Variants in HINFP observed in about 807,000 individuals in gnomAD.
The protein encoded by HINFP is histone H4 transcription factor, also known as MBD2 (methyl-CpG-binding protein)-interacting zinc finger protein.
A neutral mutation model predicts 50.1 loss-of-function variants in HINFP; 20 were observed. The ratio of observed to expected loss-of-function variants is 0.40; its 90% CI spans 0.28 to 0.58. HINFP has a LOEUF of 0.58. HINFP is among the 20% of genes least tolerant of loss of function. HINFP has a pLI of 0.45. For missense variants in HINFP, 505 were observed against 664.1 expected (o/e 0.76, Z 2.63); for synonymous variants, 247 against 243.7 (o/e 1.01, Z -0.13).
rs758433262 is a variant in HINFP, at chr11:119,134,240, G to T, written c.1296G>T (p.Val432=). 2 of 1,614,090 alleles carry T rather than the reference G, an allele frequency of 1.2e-6. No homozygotes were observed. The highest frequency in any genetic ancestry group is 1.7e-6 in the Non-Finnish European group (2 of 1,180,010). The change falls in exon 10 of 10, where the codon GTG becomes GTT. Residue 432 remains valine, a synonymous_variant. Transcript: ENST00000350777. The surrounding 1 kb of genome is among the most constrained non-coding windows in gnomAD (Gnocchi z 4.3). The part of the protein sequence containing the change: ...SSLQGIILET[V]PGEPGRKEEE... ...TGCAGGGCATTATTCTAGAAACAGT[G>T]CCAGGGGAGCCAGGACGTAAGGAAG...
At chr11:119,133,786 A>T (rs1455295057) in intron 9 of HINFP, 20 of 518,750 alleles carry the variant, frequency 3.9e-5, no homozygotes, top group Non-Finnish European at 5.8e-5. Flanking sequence ...AAGGGTTCTG[A>T]TCCTTAGCTC....
intron 5 of HINFP, 173 bp downstream of exon 5, chr11:119,132,155 A>T (rs1947797767): frequency 1.4e-6 from 1 of 692,852 alleles, no homozygotes; most frequent in East Asian, 2.6e-5. Flanking sequence ...AGGCATTGTT[A>T]TTCAGTACTT....
intron 1 of HINFP, chr11:119,125,061 C>T (rs1947317436): frequency 9.7e-6 from 1 of 102,800 alleles, no homozygotes. Flanking sequence ...TTTTTTGAGA[C>T]AGAGTCTTAC....
chr11:119,124,312 T>C (rs563222835), intron 1 of HINFP: 1 of 152,012 alleles, frequency 6.6e-6, no homozygotes, highest in South Asian at 2.1e-4. Context: ...GTATTTTCTG[T>C]TTTTTTTCCT....
At chr11:119,127,732 G>A (rs1049610289) in intron 2 of HINFP, among the ~76,000 whole-genome samples, 2 of 151,828 alleles carry the variant, frequency 1.3e-5, no homozygotes, top group African/African-American at 4.8e-5. Context: ...TTTAGAGACA[G>A]GATCTTGCTT....
intron 9 of HINFP, chr11:119,133,801 G>A (rs1481094275): frequency 3.7e-6 from 2 of 545,868 alleles, no homozygotes; most frequent in South Asian, 2.3e-5. Flanking sequence ...TAGCTCCAAG[G>A]CCTTCTCATA....
At chr11:119,122,946 G>T (rs1186405410) in intron 1 of HINFP, among the ~76,000 whole-genome samples, 1 of 151,910 alleles carries the variant, frequency 6.6e-6, no homozygotes, top group Non-Finnish European at 1.5e-5. Flanking sequence ...AACATGGCAA[G>T]ACCTCGTCTC....
rs1317269080 is a variant in HINFP at position 119,134,856 on chromosome 11, G to A, written c.*358G>A. 1.1e-5 allele frequency: 2 copies of A among 186,580 alleles called. No homozygotes were observed. The highest frequency in any genetic ancestry group is 2.3e-5 in the Non-Finnish European group (2 of 88,254). 11.6% of individuals were successfully genotyped at this position (186,580 alleles called of 1,614,324 possible). A position where few individuals can be genotyped will look rare whatever the true frequency, so the allele number is the denominator to read the frequency against. On this transcript the variant is annotated 3_prime_UTR_variant, in exon 10 of 10. Transcript: ENST00000350777. The surrounding 1 kb of genome is among the most constrained non-coding windows in gnomAD (Gnocchi z 4.3). ...ATCTTTCGGGCTCCTTAGGCCCAAG[G>A]ATGGCATGTGACTGGTCCCTGCAAG... is the stretch of plus-strand genomic sequence containing the variant.
chr11:119,126,884 C>G (rs1443571962), intron 1 of HINFP, 51 bp from the exon 2 acceptor site: 1 of 1,530,234 alleles, frequency 6.5e-7, no homozygotes, highest in Non-Finnish European at 8.8e-7. Context: ...TTGCCCTCAG[C>G]AGCACCTGGG....
rs1213327542 is a variant in HINFP at position 119,135,694 on chromosome 11, A to G, written c.*1196A>G. The G allele has an allele frequency of 6.6e-6, 1 of 152,206 alleles. No homozygotes were observed. The highest frequency in any genetic ancestry group is 2.4e-5 in the African/African-American group (1 of 41,452). 9.4% of individuals were successfully genotyped at this position (152,206 alleles called of 1,614,324 possible). The stretch of plus-strand genomic sequence containing the variant: ...CTTGGGGACAGGAAGCTGCCCAAAA[A>G]GGATCTCTGGGCCTTTTTTTGTAAG... On this transcript the variant is annotated 3_prime_UTR_variant, in exon 10 of 10. Coordinates refer to ENST00000350777, the MANE Select transcript of HINFP (RefSeq NM_198971.3).
chr11:119,126,482 A>G (rs1291505263), intron 1 of HINFP: 1 of 153,096 alleles, frequency 6.5e-6, no homozygotes, highest in Non-Finnish European at 1.5e-5. Flanking sequence ...AAAAAGATTT[A>G]TTATCTTCAT....
Position 119,130,969 on chromosome 11 carries a change from C to T in HINFP, c.411+15C>T. On this transcript the variant is annotated intron_variant, in intron 3 of 9. Coordinates refer to ENST00000350777, the MANE Select transcript of HINFP (RefSeq NM_198971.3). ...AGCACTGTGAGGTCAGCAGGCAGTG[C>T]CAGTAATTGGGGTGGAAGGAAGCTG... 1.2e-6 allele frequency: 2 copies of T among 1,605,356 alleles called. No homozygotes were observed. Among genetic ancestry groups the T allele is most frequent in the South Asian group, 2.2e-5 (2 of 90,882 alleles).
intron 2 of HINFP, among the ~76,000 whole-genome samples, chr11:119,128,728 C>T (rs1004099960): frequency 5.1e-4 from 77 of 151,930 alleles, no homozygotes; most frequent in African/African-American, 1.7e-3. Flanking sequence ...TAGATGGAGT[C>T]TTGCTCTGTC....
At position 119,134,681 on chromosome 11, in the gene HINFP, G is replaced by T. The variant is rs777517785; in HGVS notation, c.*183G>T. ...CTCTAAAGACTTCCCTTTTCTGCCA[G>T]ACTACATTTTGTGGGGAGCCTGAGG... On this transcript the variant is annotated 3_prime_UTR_variant, in exon 10 of 10. Coordinates refer to ENST00000350777, the MANE Select transcript of HINFP (RefSeq NM_198971.3). The surrounding 1 kb of genome is among the most constrained non-coding windows in gnomAD (Gnocchi z 4.3). 5.4e-4 allele frequency: 287 copies of T among 536,428 alleles called. 1 individual carries two copies. Among genetic ancestry groups the T allele is most frequent in the Non-Finnish European group, 1.1e-4 (34 of 304,582 alleles). The allele number at this position is 536,428 out of a possible 1,614,324, so 33.2% of individuals were successfully genotyped here.
chr11:119,128,574 C>T (rs913851260), intron 2 of HINFP, among the ~76,000 whole-genome samples: 26 of 151,900 alleles, frequency 1.7e-4, no homozygotes, highest in African/African-American at 5.8e-4. Context: ...GTGATCCGCC[C>T]GCCTCAGCCT....
chr11:119,134,382 T>C lies in HINFP; in HGVS notation c.1438T>C (p.Tyr480His), dbSNP rs1378881702. Residue 480 changes from tyrosine (Y) to histidine (H), a missense_variant, in exon 10 of 10, where the codon TAC becomes CAC. Physicochemically the swap from Tyr to His is moderately conservative, Grantham distance 83. Coordinates refer to ENST00000350777, the MANE Select transcript of HINFP (RefSeq NM_198971.3). This position sits in a 1 kb window ranked among gnomAD's most constrained non-coding sequence, Gnocchi z 4.3. The stretch of plus-strand genomic sequence containing the variant: ...TGCCCAAGGCCAGCAAGAGATCGTC[T>C]ACTATGTGCTGTCTGAAGCCCCAGG... ...TNAQGQQEIV[Y>H]YVLSEAPGEP... 1 of 1,614,100 alleles carries C rather than the reference T, an allele frequency of 6.2e-7. No individual in the cohort carries two copies. The highest frequency in any genetic ancestry group is 1.3e-5 in the African/African-American group (1 of 75,058).
chr11:119,129,319 G>C (rs1269452640), intron 2 of HINFP, among the ~76,000 whole-genome samples: 1 of 151,780 alleles, frequency 6.6e-6, no homozygotes. Context: ...GATTACAGGC[G>C]TGAGCCACTG....
chr11:119,128,094 C>T (rs555737330), intron 2 of HINFP, among the ~76,000 whole-genome samples: 3 of 152,054 alleles, frequency 2.0e-5, no homozygotes, highest in East Asian at 1.9e-4. Context: ...TCTCATGATC[C>T]GCCCACCTCG....
intron 1 of HINFP, chr11:119,126,700 C>A: frequency 2.5e-6 from 1 of 400,102 alleles, no homozygotes; most frequent in Non-Finnish European, 4.5e-6. Flanking sequence ...AAGCGTTTAG[C>A]TCAGTGCCTG....
Sources: allele counts gnomAD v4.1 joint callset (sites outside exome capture counted in the v4.1 genomes callset), GRCh38; gene constraint gnomAD v4.1.1; non-coding constraint Gnocchi (gnomAD v3.1); transcripts MANE v1.5; gene names NCBI Gene and HGNC (gene_info 2026-07-23, HGNC 2026-07-21).